Variants in DUSP12 observed in about 807,000 individuals in gnomAD.
The protein encoded by DUSP12 is dual specificity protein phosphatase 12.
Under a neutral mutation model 38.9 loss-of-function variants are expected in DUSP12, and 25 were observed. That is an observed-to-expected ratio of 0.64 (90% CI 0.47 to 0.90). The LOEUF (loss-of-function observed/expected upper bound fraction) is 0.90. Ranked by LOEUF, DUSP12 falls within the 40% of genes least tolerant of loss-of-function variation. DUSP12 has a pLI of 0.00. For synonymous variants in DUSP12, 153 were observed against 153.9 expected (o/e 0.99, Z 0.05); for missense variants, 403 against 427.0 (o/e 0.94, Z 0.50).
chr1:161,752,989 C>CAAAA (rs35439833), intron 4 of DUSP12, 86 bp from the exon 5 acceptor site: 49,903 of 1,155,102 alleles, frequency 0.043, 5 homozygotes, highest in Non-Finnish European at 0.046. Flanking sequence ...GACTCTGTCT[C>CAAAA]AAAAAAAAAA....
At chr1:161,751,477 G>A (rs17415303) in intron 1 of DUSP12, 191 bp from the exon 2 acceptor site, 27,405 of 633,146 alleles carry the variant, frequency 0.043, 732 homozygotes, top group Non-Finnish European at 0.058. Context: ...ATAGATTCAC[G>A]TGGTTCAGAA....
At chr1:161,751,585 C>T in intron 1 of DUSP12, 83 bp from the exon 2 acceptor site, 3 of 1,520,852 alleles carry the variant, frequency 2.0e-6, no homozygotes, top group Non-Finnish European at 2.6e-6. Context: ...CTAAACTTTA[C>T]TATTAATAGG....
At position 161,750,047 on chromosome 1, in the gene DUSP12, G is replaced by C. The variant is rs752961173; in HGVS notation, c.246G>C (p.Ala82=). Residue 82 remains alanine, a synonymous_variant, in exon 1 of 6, where the codon GCG becomes GCC. Coordinates refer to ENST00000367943, the MANE Select transcript of DUSP12 (RefSeq NM_007240.3). The part of the protein sequence containing the change: ...VEDLWRLFVP[A]LDKPETDLLS... Reference sequence around the variant, plus strand: ...ATCTATGGCGCCTCTTCGTGCCAGCGCTGGACAAACCCGAGACGGACCTAC... The same window carrying C: ...ATCTATGGCGCCTCTTCGTGCCAGCCCTGGACAAACCCGAGACGGACCTAC... 1 of 1,614,002 alleles carries C rather than the reference G, an allele frequency of 6.2e-7. No homozygotes were observed. The highest frequency in any genetic ancestry group is 1.1e-5 in the South Asian group (1 of 91,088).
At chr1:161,756,716 G>C (rs1468988704) in intron 5 of DUSP12, 70 bp from the exon 6 acceptor site, 1 of 1,554,202 alleles carries the variant, frequency 6.4e-7, no homozygotes, top group South Asian at 1.2e-5. Flanking sequence ...ATCCTATATT[G>C]ATTGCCAAAG....
chr1:161,749,818 GC>G lies in DUSP12; in HGVS notation c.20del (p.Pro7ArgfsTer42), dbSNP rs1311588972. 1.0e-5 allele frequency: 16 copies of G among 1,582,116 alleles called. No individual in the cohort carries two copies. The highest frequency in any genetic ancestry group is 1.4e-5 in the Non-Finnish European group (16 of 1,164,972). On this transcript the variant is annotated frameshift_variant, in exon 1 of 6. Coordinates refer to ENST00000367943, the MANE Select transcript of DUSP12 (RefSeq NM_007240.3). LOFTEE classifies it high-confidence loss of function. MLEAP[G>X]PSDGCELSNP... ...GGCGCGGCCATGTTGGAGGCTCCGG[GC>G]CCGAGTGATGGCTGCGAGCTCAGCA...
chr1:161,756,722 C>A, intron 5 of DUSP12, 64 bp from the exon 6 acceptor site: 1 of 1,564,386 alleles, frequency 6.4e-7, no homozygotes, highest in South Asian at 1.2e-5. Context: ...TATTGATTGC[C>A]AAAGATAATG....
chr1:161,755,501 A>G (rs1324900476), intron 5 of DUSP12, among the ~76,000 whole-genome samples: 1 of 152,210 alleles, frequency 6.6e-6, no homozygotes, highest in Non-Finnish European at 1.5e-5. Context: ...TTGACATAAT[A>G]GATACTATAA....
Position 161,756,915 on chromosome 1 carries a change from C to T in DUSP12, c.991C>T (p.Pro331Ser), listed in dbSNP as rs760204079. 2.5e-5 allele frequency: 41 copies of T among 1,611,690 alleles called. No homozygotes were observed. The highest frequency in any genetic ancestry group is 3.3e-5 in the Non-Finnish European group (39 of 1,178,568). ...TAGAGTGGATGAAATGAAAATATTG[C>T]CTGTTTTGGGATCACAAACAGGAAA... ...KNRVDEMKIL[P>S]VLGSQTGKI Residue 331 changes from proline (P) to serine (S), a missense_variant, in exon 6 of 6, where the codon CCT becomes TCT. Transcript: ENST00000367943.
chr1:161,753,334 T>A, intron 5 of DUSP12, 73 bp downstream of exon 5: 2 of 1,237,024 alleles, frequency 1.6e-6, no homozygotes, highest in Non-Finnish European at 2.2e-6. Flanking sequence ...TTTTAAGCTC[T>A]ATTTTAACTA....
Position 161,752,505 on chromosome 1 carries a change from A to T in DUSP12, c.674+41A>T, listed in dbSNP as rs199811805. The T allele has an allele frequency of 3.0e-6, 4 of 1,344,094 alleles. No homozygotes were observed. In the East Asian group the frequency reaches 9.3e-5, roughly 31 times the overall value. 83.3% of individuals were successfully genotyped at this position (1,344,094 alleles called of 1,614,324 possible). A position where few individuals can be genotyped will look rare whatever the true frequency, so the allele number is the denominator to read the frequency against. ...TCCTTTGGATATTTTATCTTGTCTCAGTAGCTGAAAAGTACTTAATGTTTT... is the reference window on the plus strand; with the variant it reads ...TCCTTTGGATATTTTATCTTGTCTCTGTAGCTGAAAAGTACTTAATGTTTT... On this transcript the variant is annotated intron_variant, in intron 4 of 5. Coordinates refer to ENST00000367943, the MANE Select transcript of DUSP12 (RefSeq NM_007240.3).
chr1:161,753,065 G>C lies in DUSP12; in HGVS notation c.675-10G>C, dbSNP rs761724155. The C allele has an allele frequency of 5.0e-6, 8 of 1,587,382 alleles. No homozygotes were observed. The East Asian group carries it at 1.6e-4, about 31-fold the overall frequency. ...AGTCATTAATGCTTTTGTTTGTTTGGGGGTTGCAGGCGATCATTATTTCGA... is the reference window on the plus strand; with the variant it reads ...AGTCATTAATGCTTTTGTTTGTTTGCGGGTTGCAGGCGATCATTATTTCGA... On this transcript the variant is annotated splice_polypyrimidine_tract_variant and intron_variant, in intron 4 of 5. Transcript: ENST00000367943.
In DUSP12 at chr1:161,751,961, A is replaced by C. The variant is rs532238677; in HGVS notation, c.554A>C (p.Gln185Pro). 3 of 1,610,266 alleles carry C rather than the reference A, an allele frequency of 1.9e-6. No individual in the cohort carries two copies. The East Asian group carries it at 6.7e-5, about 36-fold the overall frequency. ...SSAIYKQYRLQKVTEKYPELQ... is the reference protein window; with the variant it reads ...SSAIYKQYRLPKVTEKYPELQ... The stretch of plus-strand genomic sequence containing the variant: ...GCAATTTATAAGCAATATCGTTTAC[A>C]AAAGGTTACAGAGAAGTATCCAGGT... Residue 185 changes from glutamine to proline, a missense_variant, in exon 3 of 6, where the codon CAA becomes CCA. Gln to Pro is a moderately conservative substitution (Grantham distance 76). Transcript: ENST00000367943.
chr1:161,757,005 C>T lies in DUSP12; in HGVS notation c.*58C>T, dbSNP rs560756605. On this transcript the variant is annotated 3_prime_UTR_variant, in exon 6 of 6. Coordinates refer to ENST00000367943, the MANE Select transcript of DUSP12 (RefSeq NM_007240.3). Reference sequence around the variant, plus strand: ...CAGATGATATGTGCTGCCTTTGCTTCTTATCATTCATGGCAGATTGTTTGT... The same window carrying T: ...CAGATGATATGTGCTGCCTTTGCTTTTTATCATTCATGGCAGATTGTTTGT... 74 of 1,498,196 alleles carry T rather than the reference C, an allele frequency of 4.9e-5. No homozygotes were observed. Among genetic ancestry groups the T allele is most frequent in the Non-Finnish European group, 6.4e-5 (71 of 1,101,572 alleles). 92.8% of individuals were successfully genotyped at this position (1,498,196 alleles called of 1,614,324 possible). A position where few individuals can be genotyped will look rare whatever the true frequency, so the allele number is the denominator to read the frequency against.
At chr1:161,756,484 T>TATATATATAC in intron 5 of DUSP12, among the ~76,000 whole-genome samples, 2 of 2,310 alleles carry the variant, frequency 8.7e-4, no homozygotes, top group Non-Finnish European at 1.7e-3. Flanking sequence ...ATTTAAAAGC[T>TATATATATAC]ATATATATAT....
Position 161,757,138 on chromosome 1 carries a change from G to T in DUSP12, c.*191G>T. 2 of 480,832 alleles carry T rather than the reference G, an allele frequency of 4.2e-6. No individual in the cohort carries two copies. The highest frequency in any genetic ancestry group is 4.0e-5 in the South Asian group (1 of 24,874). The allele number at this position is 480,832 out of a possible 1,614,324, so 29.8% of individuals were successfully genotyped here. Reference sequence around the variant, plus strand: ...CCTTTTGATCATGTACATTTTATTTGATATTAAAATCTTTTATAACCAGAT... The same window carrying T: ...CCTTTTGATCATGTACATTTTATTTTATATTAAAATCTTTTATAACCAGAT... On this transcript the variant is annotated 3_prime_UTR_variant, in exon 6 of 6. Coordinates refer to ENST00000367943, the MANE Select transcript of DUSP12 (RefSeq NM_007240.3).
intron 4 of DUSP12, 83 bp from the exon 5 acceptor site, chr1:161,752,992 A>AAAC (rs1684050536): frequency 1.4e-6 from 2 of 1,442,380 alleles, no homozygotes; most frequent in Non-Finnish European, 1.9e-6. Flanking sequence ...TCTGTCTCAA[A>AAAC]AAAAAAAGAA....
At chr1:161,755,670 T>C (rs1259311428) in intron 5 of DUSP12, among the ~76,000 whole-genome samples, 1 of 152,196 alleles carries the variant, frequency 6.6e-6, no homozygotes, top group East Asian at 1.9e-4. Context: ...CTAGGCCCAT[T>C]TGCCTATGGG....
At chr1:161,752,041 T>C in intron 3 of DUSP12, 57 bp downstream of exon 3, 1 of 1,168,220 alleles carries the variant, frequency 8.6e-7, no homozygotes, top group Non-Finnish European at 1.2e-6. Context: ...ACTTTAGCAT[T>C]GTATGCTTTA....
Position 161,753,182 on chromosome 1 carries a change from G to A in DUSP12, c.782G>A (p.Arg261Lys), listed in dbSNP as rs1684054434. The change falls in exon 5 of 6, where the codon AGG becomes AAG. Residue 261 changes from arginine to lysine, a missense_variant. Coordinates refer to ENST00000367943, the MANE Select transcript of DUSP12 (RefSeq NM_007240.3). ...CCATCTTCCATGCTTACCACAGGGA[G>A]GCAAGCTCAATGTACATCTTATTTC... Reference protein sequence around the residue: ...MTPSSMLTTGRQAQCTSYFIE... With the variant: ...MTPSSMLTTGKQAQCTSYFIE... 1.2e-6 allele frequency: 2 copies of A among 1,614,082 alleles called. No homozygotes were observed. The highest frequency in any genetic ancestry group is 1.7e-6 in the Non-Finnish European group (2 of 1,179,962).
Sources: gnomAD v4.1 joint callset for allele counts (sites outside exome capture counted in the v4.1 genomes callset) on GRCh38, gnomAD v4.1.1 for gene constraint, MANE v1.5 for transcripts, NCBI Gene and HGNC (gene_info 2026-07-23, HGNC 2026-07-21) for gene names.